The following RNFT2 variants were observed in gnomAD, a reference collection of about 807,000 sequenced individuals.
RNFT2 encodes E3 ubiquitin-protein ligase RNFT2.
Under a neutral mutation model 53.0 loss-of-function variants are expected in RNFT2, and 36 were observed. That is an observed-to-expected ratio of 0.68 (90% CI 0.52 to 0.90). The LOEUF is 0.90. Among genes scored for constraint, RNFT2 ranks in the 40% least tolerant of loss-of-function variants. RNFT2 has a pLI of 0.00. For missense variants in RNFT2, 514 were observed against 585.6 expected (o/e 0.88, Z 1.26); for synonymous variants, 260 against 253.2 (o/e 1.03, Z -0.26).
chr12:116,815,211 G>A (rs1008430074), intron 7 of RNFT2, among the ~76,000 whole-genome samples: 5 of 152,192 alleles, frequency 3.3e-5, no homozygotes, highest in African/African-American at 1.2e-4. Flanking sequence ...TGCCATGGAA[G>A]CCAGCCCACC....
At position 116,750,238 on chromosome 12, in the gene RNFT2, TG is replaced by T; in HGVS notation, c.482del (p.Cys161SerfsTer11). ...PALSELKAVI[C>X]WLQKGLPFIL... Reference sequence around the variant, plus strand: ...CCTGTCCGAGCTGAAGGCTGTGATCTGCTGGCTCCAGAAAGGACTCCCCTTC... The same window carrying T: ...CCTGTCCGAGCTGAAGGCTGTGATCTCTGGCTCCAGAAAGGACTCCCCTTC... On this transcript the variant is annotated frameshift_variant, in exon 4 of 11. Coordinates refer to ENST00000257575, the MANE Select transcript of RNFT2 (RefSeq NM_001382266.1). LOFTEE classifies it high-confidence loss of function. 6.2e-7 allele frequency: 1 copy of T among 1,608,094 alleles called. No individual in the cohort carries two copies. Among genetic ancestry groups the T allele is most frequent in the South Asian group, 1.1e-5 (1 of 90,788 alleles).
chr12:116,852,848 G>T lies in RNFT2; in HGVS notation c.*3400G>T. Reference sequence around the variant, plus strand: ...CAGTGTATTACCTGCTGGAACCAAGGAAACTAACAATGTAGGTTACTAGTG... The same window carrying T: ...CAGTGTATTACCTGCTGGAACCAAGTAAACTAACAATGTAGGTTACTAGTG... On this transcript the variant is annotated 3_prime_UTR_variant, in exon 11 of 11. Transcript: ENST00000257575. 1 of 794,216 alleles carries T rather than the reference G, an allele frequency of 1.3e-6. No individual in the cohort carries two copies. Among genetic ancestry groups the T allele is most frequent in the East Asian group, 2.5e-5 (1 of 39,216 alleles). 49.2% of individuals were successfully genotyped at this position (794,216 alleles called of 1,614,324 possible).
chr12:116,756,001 T>G, intron 5 of RNFT2: 1 of 648,888 alleles, frequency 1.5e-6, no homozygotes, highest in East Asian at 2.7e-5. Context: ...GGTAGTGTGA[T>G]GCCTCCAGCT....
chr12:116,779,412 G>A, intron 7 of RNFT2, 64 bp downstream of exon 7: 1 of 1,567,922 alleles, frequency 6.4e-7, no homozygotes, highest in South Asian at 1.1e-5. Context: ...GATTCAGGGT[G>A]CCTTCTGAGG....
intron 6 of RNFT2, among the ~76,000 whole-genome samples, chr12:116,769,128 G>A (rs1410963692): frequency 6.6e-6 from 1 of 152,098 alleles, no homozygotes; most frequent in Non-Finnish European, 1.5e-5. Flanking sequence ...GGGAGGCCAA[G>A]GTGGGCAGAT....
chr12:116,774,720 A>G (rs1873346649), intron 6 of RNFT2, among the ~76,000 whole-genome samples: 1 of 149,048 alleles, frequency 6.7e-6, no homozygotes, highest in Admixed American at 6.7e-5. Context: ...TGAGGCGTCA[A>G]CACAGATCTC....
At chr12:116,797,429 G>A (rs748696972) in intron 7 of RNFT2, among the ~76,000 whole-genome samples, 36 of 151,932 alleles carry the variant, frequency 2.4e-4, no homozygotes, top group Admixed American at 1.2e-3. Context: ...GTTTGGTGGC[G>A]TGTGCCTGTA....
chr12:116,758,978 C>G (rs1872599870), intron 5 of RNFT2, among the ~76,000 whole-genome samples: 1 of 152,130 alleles, frequency 6.6e-6, no homozygotes, highest in Non-Finnish European at 1.5e-5. Context: ...GAATTCTCTT[C>G]TTCAGGAACA....
chr12:116,839,718 AT>A (rs1355050954), intron 10 of RNFT2, among the ~76,000 whole-genome samples: 1 of 118,626 alleles, frequency 8.4e-6, no homozygotes, highest in Non-Finnish European at 1.7e-5. Context: ...GAATGGACAG[AT>A]GGGTGGGTAT....
At chr12:116,750,883 A>T (rs1592937615) in intron 4 of RNFT2, among the ~76,000 whole-genome samples, 1 of 1,000 alleles carries the variant, frequency 1.0e-3, no homozygotes, top group Non-Finnish European at 2.9e-3. Flanking sequence ...TATATATATT[A>T]TATATATAAT....
At chr12:116,818,162 T>C (rs1332701191) in intron 7 of RNFT2, among the ~76,000 whole-genome samples, 1 of 151,718 alleles carries the variant, frequency 6.6e-6, no homozygotes, top group African/African-American at 2.4e-5. Flanking sequence ...ACAAAAAAAG[T>C]CTTTAAAAAA....
intron 7 of RNFT2, among the ~76,000 whole-genome samples, chr12:116,830,111 A>G (rs1208913170): frequency 6.6e-6 from 1 of 152,170 alleles, no homozygotes; most frequent in African/African-American, 2.4e-5. Context: ...TGCAAAAGTA[A>G]TGCTGCGAGT....
At chr12:116,772,124 C>T (rs1873230650) in intron 6 of RNFT2, among the ~76,000 whole-genome samples, 1 of 152,022 alleles carries the variant, frequency 6.6e-6, no homozygotes, top group South Asian at 2.1e-4. Flanking sequence ...CACAGTCTTG[C>T]TCTGTTGCCC....
intron 7 of RNFT2, among the ~76,000 whole-genome samples, chr12:116,796,891 G>C (rs1357567980): frequency 6.6e-6 from 1 of 152,210 alleles, no homozygotes; most frequent in Admixed American, 6.5e-5. Flanking sequence ...CCCACACACA[G>C]GGGCTGGAAG....
chr12:116,760,294 G>A (rs1872647256), intron 5 of RNFT2, among the ~76,000 whole-genome samples: 1 of 152,182 alleles, frequency 6.6e-6, no homozygotes, highest in South Asian at 2.1e-4. Flanking sequence ...CCAAAGAAGA[G>A]GGTTTAGTTC....
At chr12:116,822,584 C>A (rs1424864284) in intron 7 of RNFT2, among the ~76,000 whole-genome samples, 1 of 152,174 alleles carries the variant, frequency 6.6e-6, no homozygotes, top group Admixed American at 6.5e-5. Context: ...AGCTAAGTCA[C>A]CATCATCATC....
intron 7 of RNFT2, among the ~76,000 whole-genome samples, chr12:116,789,986 G>GGATGGATGGATGGATA (rs1555261858): frequency 6.6e-6 from 1 of 152,052 alleles, no homozygotes; most frequent in East Asian, 1.9e-4. Context: ...ATGGATGGAT[G>GGATGGATGGATGGATA]GATGGATAGT....
At chr12:116,797,573 G>A (rs539124039) in intron 7 of RNFT2, among the ~76,000 whole-genome samples, 1 of 151,968 alleles carries the variant, frequency 6.6e-6, no homozygotes, top group Non-Finnish European at 1.5e-5. Flanking sequence ...TTAGAGTGAG[G>A]TCACTAGTGA....
chr12:116,846,437 A>ATTTTTTTTTTTTTTTTTTTTT (rs35922781), intron 10 of RNFT2, among the ~76,000 whole-genome samples: 3 of 104,398 alleles, frequency 2.9e-5, no homozygotes, highest in Non-Finnish European at 3.7e-5. Flanking sequence ...TGCCCAGCTA[A>ATTTTTTTTTTTTTTTTTTTTT]TTTTTTTTTT....
Sources: gnomAD v4.1 joint callset for allele counts (sites outside exome capture counted in the v4.1 genomes callset) on GRCh38, gnomAD v4.1.1 for gene constraint, MANE v1.5 for transcripts, NCBI Gene and HGNC (gene_info 2026-07-23, HGNC 2026-07-21) for gene names.